Variants in PPP1R16B observed in about 807,000 individuals in gnomAD.
The protein encoded by PPP1R16B is protein phosphatase 1 regulatory subunit 16B.
PPP1R16B carries 14 observed loss-of-function variants against 61.7 expected under a neutral mutation model. The ratio of observed to expected loss-of-function variants is 0.23; its 90% confidence interval spans 0.15 to 0.35. PPP1R16B has a LOEUF of 0.35. Ranked by LOEUF, PPP1R16B falls within the 10% of genes least tolerant of loss-of-function variation. The probability of loss-of-function intolerance (pLI) is 1.00; values close to 1 mark genes in which losing one functional copy is unlikely to be tolerated. For synonymous variants in PPP1R16B, 266 were observed against 305.3 expected (o/e 0.87, Z 1.34); for missense variants, 547 against 752.5 (o/e 0.73, Z 3.19).
At chr20:38,814,240 G>A (rs962586944) in intron 1 of PPP1R16B, among the ~76,000 whole-genome samples, 1 of 152,168 alleles carries the variant, frequency 6.6e-6, no homozygotes, top group African/African-American at 2.4e-5. Flanking sequence ...TCCTTGTACT[G>A]AATCATTACA....
chr20:38,908,505 A>C (rs902860785), intron 10 of PPP1R16B, among the ~76,000 whole-genome samples: 2 of 152,264 alleles, frequency 1.3e-5, no homozygotes, highest in African/African-American at 2.4e-5. Flanking sequence ...GCTGTGCTCC[A>C]GCACACCTAG....
At chr20:38,912,388 G>A (rs1204488728) in intron 10 of PPP1R16B, among the ~76,000 whole-genome samples, 3 of 151,774 alleles carry the variant, frequency 2.0e-5, no homozygotes, top group African/African-American at 7.3e-5. Context: ...ACTTTGGCTG[G>A]GCACAGTGGA....
At chr20:38,909,941 G>T (rs985345994) in intron 10 of PPP1R16B, among the ~76,000 whole-genome samples, 1 of 152,100 alleles carries the variant, frequency 6.6e-6, no homozygotes, top group African/African-American at 2.4e-5. Context: ...TGTGATTGTG[G>T]TGTAACTTAA....
chr20:38,869,262 G>T (rs780433318), intron 2 of PPP1R16B, among the ~76,000 whole-genome samples: 2 of 151,922 alleles, frequency 1.3e-5, no homozygotes, highest in Non-Finnish European at 2.9e-5. Flanking sequence ...GGGTTCAAGT[G>T]ATTCTCGTGC....
intron 2 of PPP1R16B, among the ~76,000 whole-genome samples, chr20:38,842,079 G>A: frequency 6.6e-6 from 1 of 152,226 alleles, no homozygotes; most frequent in East Asian, 1.9e-4. Flanking sequence ...TTGAAGCTCA[G>A]AGAGACTAAG....
At chr20:38,902,135 G>A (rs1209775451) in intron 5 of PPP1R16B, among the ~76,000 whole-genome samples, 1 of 152,192 alleles carries the variant, frequency 6.6e-6, no homozygotes, top group Admixed American at 6.6e-5. Context: ...GCTATACAAT[G>A]TCTCTCTGGG....
At chr20:38,855,492 G>T (rs1053545968) in intron 2 of PPP1R16B, among the ~76,000 whole-genome samples, 1 of 152,032 alleles carries the variant, frequency 6.6e-6, no homozygotes, top group Non-Finnish European at 1.5e-5. Context: ...CATTCCTTCC[G>T]GCTCATGACT....
At chr20:38,841,461 A>G (rs2084908935) in intron 2 of PPP1R16B, among the ~76,000 whole-genome samples, 1 of 151,672 alleles carries the variant, frequency 6.6e-6, no homozygotes, top group Admixed American at 6.6e-5. Context: ...CCGGGAGGTT[A>G]AATCTGCAGT....
chr20:38,826,082 A>T (rs1038473914), intron 1 of PPP1R16B, among the ~76,000 whole-genome samples: 4 of 152,084 alleles, frequency 2.6e-5, no homozygotes, highest in African/African-American at 9.7e-5. Context: ...CCCCCAGCCT[A>T]CCCGATGTGA....
At chr20:38,853,424 T>G (rs1479182879) in intron 2 of PPP1R16B, among the ~76,000 whole-genome samples, 1 of 152,198 alleles carries the variant, frequency 6.6e-6, no homozygotes, top group Non-Finnish European at 1.5e-5. Context: ...AAATGGTACC[T>G]CTGCCAGTTA....
chr20:38,887,948 A>G (rs2085258594), intron 2 of PPP1R16B, among the ~76,000 whole-genome samples: 1 of 152,192 alleles, frequency 6.6e-6, no homozygotes, highest in Non-Finnish European at 1.5e-5. Flanking sequence ...CACCCCATCC[A>G]CTGCTCCTGA....
chr20:38,851,634 A>C (rs1298634103), intron 2 of PPP1R16B, among the ~76,000 whole-genome samples: 3 of 152,234 alleles, frequency 2.0e-5, no homozygotes, highest in African/African-American at 7.2e-5. Context: ...GAACAAAACA[A>C]AATGGGCCAG....
At chr20:38,913,850 A>C (rs1049339061) in intron 10 of PPP1R16B, among the ~76,000 whole-genome samples, 5 of 152,160 alleles carry the variant, frequency 3.3e-5, no homozygotes, top group Admixed American at 3.3e-4. Flanking sequence ...AGGGTGAGTC[A>C]AAGTCCAGGA....
intron 2 of PPP1R16B, among the ~76,000 whole-genome samples, chr20:38,888,881 A>T (rs1003959772): frequency 1.3e-5 from 1 of 76,616 alleles, no homozygotes; most frequent in Non-Finnish European, 2.9e-5. Flanking sequence ...CCCTGAACAC[A>T]CACACACACA....
intron 3 of PPP1R16B, among the ~76,000 whole-genome samples, chr20:38,895,167 T>C (rs1265925116): frequency 6.6e-6 from 1 of 152,190 alleles, no homozygotes; most frequent in Non-Finnish European, 1.5e-5. Context: ...CTGTTTGAAT[T>C]TACTGGTCAT....
At chr20:38,839,737 G>A (rs2084897728) in intron 2 of PPP1R16B, among the ~76,000 whole-genome samples, 1 of 151,800 alleles carries the variant, frequency 6.6e-6, no homozygotes, top group Admixed American at 6.6e-5. Context: ...TTTCATGCCA[G>A]AACATGTACA....
intron 1 of PPP1R16B, among the ~76,000 whole-genome samples, chr20:38,813,648 C>T (rs182985622): frequency 6.0e-4 from 92 of 152,168 alleles, no homozygotes; most frequent in African/African-American, 1.9e-3. Context: ...CTTAGAGGGA[C>T]GGGCACCTTT....
chr20:38,906,168 G>C (rs1217148074), intron 7 of PPP1R16B, 74 bp downstream of exon 7: 3 of 1,518,866 alleles, frequency 2.0e-6, no homozygotes, highest in Non-Finnish European at 2.7e-6. Context: ...TTTTGGGCTG[G>C]CAGTTGTTTT....
At chr20:38,855,974 A>AAGGAGGAGGAGGAGGAGGAGGAGGAG (rs1333467827) in intron 2 of PPP1R16B, among the ~76,000 whole-genome samples, 1 of 120,652 alleles carries the variant, frequency 8.3e-6, no homozygotes, top group African/African-American at 3.2e-5. Context: ...AGAGAGAGAG[A>AAGGAGGAGGAGGAGGAGGAGGAGGAG]GAGAGAGAAG....
Sources: allele counts gnomAD v4.1 joint callset (sites outside exome capture counted in the v4.1 genomes callset), GRCh38; gene constraint gnomAD v4.1.1; transcripts MANE v1.5; gene names NCBI Gene and HGNC (gene_info 2026-07-23, HGNC 2026-07-21).